The following MAP1A variants were observed in gnomAD, a reference collection of about 807,000 sequenced individuals.
The protein encoded by MAP1A is microtubule-associated protein 1A.
A neutral mutation model predicts 185.9 loss-of-function variants in MAP1A; 42 were observed. The ratio of observed to expected loss-of-function variants is 0.23; its 90% CI spans 0.18 to 0.29. The LOEUF is 0.29. Among genes scored for constraint, MAP1A ranks in the 10% least tolerant of loss-of-function variants. MAP1A has a pLI of 1.00. For missense variants in MAP1A, 2,995 were observed against 3,450.4 expected (o/e 0.87, Z 3.31); for synonymous variants, 1,229 against 1,335.9 (o/e 0.92, Z 1.74).
Position 43,528,448 on chromosome 15 carries a change from TG to T in MAP1A, c.6977del (p.Gly2326GlufsTer128). 6.2e-7 allele frequency: 1 copy of T among 1,613,506 alleles called. No individual in the cohort carries two copies. The highest frequency in any genetic ancestry group is 8.5e-7 in the Non-Finnish European group (1 of 1,180,028). On this transcript the variant is annotated frameshift_variant, in exon 4 of 6. Transcript: ENST00000300231. LOFTEE classifies it high-confidence loss of function. ...CCCTAGCTCCAGCTCCAAGCCTGCC[TG>T]GAGACATGGGTGATGGCATCCTGCC... ...LALAPAPSLP[G>X]DMGDGILPCH...
Position 43,522,239 on chromosome 15 carries a change from G to A in MAP1A, c.766G>A (p.Ala256Thr). ...CACTGCTCTGGTGGTCTGGCTACCA[G>A]CCAATCCCACTGAGAAGATTGTGCG... Reference protein sequence around the residue: ...SITALVVWLPANPTEKIVRVL... With the variant: ...SITALVVWLPTNPTEKIVRVL... The change falls in exon 4 of 6, where the codon GCC (alanine) becomes ACC (threonine). Residue 256 changes from alanine to threonine, a missense_variant. Around this residue, in one of 3 missense-constraint regions of MAP1A, gnomAD observed 264 missense variants for 435.3 expected, o/e 0.61. Transcript: ENST00000300231. The surrounding 1 kb of genome is among the most constrained non-coding windows in gnomAD (Gnocchi z 5.9). The A allele has an allele frequency of 1.2e-6, 2 of 1,614,228 alleles. No homozygotes were observed. The highest frequency in any genetic ancestry group is 2.2e-5 in the East Asian group (1 of 44,884).
Position 43,524,586 on chromosome 15 carries a change from G to A in MAP1A, c.3113G>A (p.Gly1038Asp), listed in dbSNP as rs767948299. The A allele has an allele frequency of 6.2e-7, 1 of 1,614,132 alleles. No homozygotes were observed. The highest frequency in any genetic ancestry group is 1.7e-5 in the Admixed American group (1 of 60,014). Residue 1038 changes from glycine (G) to aspartate (D), a missense_variant, in exon 4 of 6, where the codon GGT becomes GAT. Coordinates refer to ENST00000300231, the MANE Select transcript of MAP1A (RefSeq NM_002373.6). ...DSWGDTKRTP[G>D]VGKEDAAEET... ...TGGGGAGACACTAAGCGCACACCAG[G>A]TGTGGGCAAAGAAGATGCTGCTGAG...
Position 43,522,319 on chromosome 15 carries a change from G to A in MAP1A, c.846G>A (p.Lys282=). The A allele has an allele frequency of 1.9e-6, 3 of 1,614,200 alleles. No individual in the cohort carries two copies. Among genetic ancestry groups the A allele is most frequent in the Non-Finnish European group, 2.5e-6 (3 of 1,180,024 alleles). Residue 282 remains lysine, a synonymous_variant, in exon 4 of 6, where the codon AAG becomes AAA. Transcript: ENST00000300231. The surrounding 1 kb of genome is among the most constrained non-coding windows in gnomAD (Gnocchi z 5.9). The stretch of plus-strand genomic sequence containing the variant: ...ACAAGATCTTGGAGGGCCTAGAAAA[G>A]CTTCGGCATCTGGACTTCCTGCGTT... The part of the protein sequence containing the change: ...PQNKILEGLE[K]LRHLDFLRYP...
rs1249216407 is a variant in MAP1A, at chr15:43,529,145, C to T, written c.7672C>T (p.His2558Tyr). 1 of 1,613,208 alleles carries T rather than the reference C, an allele frequency of 6.2e-7. No homozygotes were observed. Among genetic ancestry groups the T allele is most frequent in the Non-Finnish European group, 8.5e-7 (1 of 1,179,898 alleles). Residue 2558 changes from histidine to tyrosine, a missense_variant, in exon 4 of 6, where the codon CAT (histidine) becomes TAT (tyrosine). Around this residue, in one of 3 missense-constraint regions of MAP1A, gnomAD observed 2,728 missense variants for 2,986.0 expected, o/e 0.91. Coordinates refer to ENST00000300231, the MANE Select transcript of MAP1A (RefSeq NM_002373.6). The surrounding 1 kb of genome is among the most constrained non-coding windows in gnomAD (Gnocchi z 4.3). ...VSGTHHPRPG[H>Y]DPPPLPQPDP... is the part of the protein sequence containing the mutation. ...TGGTACTCACCACCCCAGGCCTGGC[C>T]ATGACCCACCTCCTCTCCCACAGCC...
rs753964027 is a variant in MAP1A at position 43,522,874 on chromosome 15, T to G, written c.1401T>G (p.Phe467Leu). Residue 467 changes from phenylalanine (F) to leucine (L), a missense_variant, in exon 4 of 6, where the codon TTT (phenylalanine) becomes TTG (leucine). Physicochemically the swap from Phe to Leu is conservative, Grantham distance 22 (BLOSUM62 0). Transcript: ENST00000300231. This position sits in a 1 kb window ranked among gnomAD's most constrained non-coding sequence, Gnocchi z 5.9. ...TTTCCAAGCCAGACCTAAAGCCCTT[T>G]ACTCCTGAGGTACGTAAGACCCTCT... The part of the protein sequence containing the change: ...KKISKPDLKP[F>L]TPEVRKTLYK... The G allele has an allele frequency of 6.2e-7, 1 of 1,610,448 alleles. No individual in the cohort carries two copies.
In MAP1A at chr15:43,527,032, C is replaced by T; in HGVS notation, c.5559C>T (p.Pro1853=). The change falls in exon 4 of 6, where the codon CCC becomes CCT. Residue 1853 remains proline, a synonymous_variant. Transcript: ENST00000300231. ...GGGTGCCCAAGGACAGACCCCTCCC[C>T]CCTGCACCCCTCTCCCCAGCTCCTG... ...PPWVPKDRPL[P]PAPLSPAPGP... is the part of the protein sequence containing the mutation. 1 of 1,599,384 alleles carries T rather than the reference C, an allele frequency of 6.3e-7. No homozygotes were observed. Among genetic ancestry groups the T allele is most frequent in the South Asian group, 1.1e-5 (1 of 88,114 alleles).
In MAP1A at chr15:43,530,176, C is replaced by T. The variant is rs756912909; in HGVS notation, c.8364C>T (p.Thr2788=). ...LNVLVLASSS[T]VVMQDESFPA... is the part of the protein sequence containing the mutation. ...TCCTGGTCCTGGCTAGCAGCAGCAC[C>T]GTGGTGATGCAGGATGAGTCCTTCC... The change falls in exon 6 of 6, where the codon ACC becomes ACT. Residue 2788 remains threonine (T), a synonymous_variant. Coordinates refer to ENST00000300231, the MANE Select transcript of MAP1A (RefSeq NM_002373.6). 7.4e-6 allele frequency: 12 copies of T among 1,614,050 alleles called. No individual in the cohort carries two copies. Among genetic ancestry groups the T allele is most frequent in the African/African-American group, 2.7e-5 (2 of 74,932 alleles).
At position 43,523,812 on chromosome 15, in the gene MAP1A, G is replaced by T. The variant is rs779036656; in HGVS notation, c.2339G>T (p.Gly780Val). The change falls in exon 4 of 6, where the codon GGT becomes GTT. Residue 780 changes from glycine to valine, a missense_variant. Physicochemically the swap from Gly to Val is moderately radical, Grantham distance 109 (BLOSUM62 -3). Transcript: ENST00000300231. ...ACATATGACCTGCCCGGGCCTGAAG[G>T]TGCTGGCCCATTCGAAGCCAGCCAA... Reference protein sequence around the residue: ...TSTYDLPGPEGAGPFEASQPA... With the variant: ...TSTYDLPGPEVAGPFEASQPA... 48 of 1,613,884 alleles carry T rather than the reference G, an allele frequency of 3.0e-5. 1 individual carries two copies. In the South Asian group the frequency reaches 4.8e-4, roughly 16 times the overall value.
Position 43,527,565 on chromosome 15 carries a change from C to A in MAP1A, c.6092C>A (p.Pro2031Gln), listed in dbSNP as rs2079350827. ...ISPKSLQSDT[P>Q]TFSYAALAGP... ...CCCAAGAGCCTCCAGTCTGACACTC[C>A]AACCTTCAGCTATGCAGCCCTGGCA... is the stretch of plus-strand genomic sequence containing the variant. Residue 2031 changes from proline to glutamine, a missense_variant, in exon 4 of 6, where the codon CCA becomes CAA. Coordinates refer to ENST00000300231, the MANE Select transcript of MAP1A (RefSeq NM_002373.6). 5.6e-6 allele frequency: 9 copies of A among 1,614,142 alleles called. No individual in the cohort carries two copies. The highest frequency in any genetic ancestry group is 7.6e-6 in the Non-Finnish European group (9 of 1,180,024).
chr15:43,513,105 G>C (rs1275554664), upstream of MAP1A, among the ~76,000 whole-genome samples: 6 of 152,224 alleles, frequency 3.9e-5, no homozygotes, highest in African/African-American at 1.4e-4. Context: ...GAGGCGGGGA[G>C]ATCACCTGAG....
rs747476833 is a variant in MAP1A at position 43,524,276 on chromosome 15, G to A, written c.2803G>A (p.Glu935Lys). ...GEIIGKGLSG[E>K]RAVEEEEEET... Reference sequence around the variant, plus strand: ...GATCATAGGGAAAGGCTTGTCTGGAGAGAGAGCTGTGGAAGAGGAAGAGGA... The same window carrying A: ...GATCATAGGGAAAGGCTTGTCTGGAAAGAGAGCTGTGGAAGAGGAAGAGGA... Residue 935 changes from glutamate to lysine, a missense_variant, in exon 4 of 6, where the codon GAG (glutamate) becomes AAG (lysine). This residue lies in a region of MAP1A where 2,728 missense variants were observed against 2,986.0 expected (regional missense o/e 0.91). Transcript: ENST00000300231. 6.2e-7 allele frequency: 1 copy of A among 1,614,216 alleles called. No homozygotes were observed. The highest frequency in any genetic ancestry group is 8.5e-7 in the Non-Finnish European group (1 of 1,180,038).
rs760579428 is a variant in MAP1A at position 43,527,464 on chromosome 15, C to T, written c.5991C>T (p.Pro1997=). 28 of 1,613,980 alleles carry T rather than the reference C, an allele frequency of 1.7e-5. No individual in the cohort carries two copies. The African/African-American group carries it at 3.1e-4, about 18-fold the overall frequency. The change falls in exon 4 of 6, where the codon CCC becomes CCT. Residue 1997 remains proline, a synonymous_variant. Coordinates refer to ENST00000300231, the MANE Select transcript of MAP1A (RefSeq NM_002373.6). The part of the protein sequence containing the change: ...EPPLGAAGDW[P]PCLSTKEAAA... ...CACTTGGAGCAGCTGGGGATTGGCC[C>T]CCATGCCTCTCAACCAAGGAGGCAG...
At chr15:43,516,202 C>T (rs761931751), upstream of MAP1A, among the ~76,000 whole-genome samples, 15 of 152,160 alleles carry the variant, frequency 9.9e-5, no homozygotes, top group Non-Finnish European at 2.1e-4. Flanking sequence ...TGTATCTCTG[C>T]AGATGGCCGC....
chr15:43,511,202 G>T, exon 1 of MAP1A: 1 of 1,550,540 alleles, frequency 6.4e-7, no homozygotes, highest in Non-Finnish European at 8.7e-7. Context: ...TCAGCTGAGG[G>T]CCGTGCGGGC....
In MAP1A at chr15:43,523,277, G is replaced by A; in HGVS notation, c.1804G>A (p.Glu602Lys). Residue 602 changes from glutamate to lysine, a missense_variant, in exon 4 of 6, where the codon GAA becomes AAA. Physicochemically the swap from Glu to Lys is moderately conservative, Grantham distance 56. Coordinates refer to ENST00000300231, the MANE Select transcript of MAP1A (RefSeq NM_002373.6). ...EKELVPEVPE[E>K]QGSKDRGLDS... ...AGAGCTTGTCCCAGAGGTCCCTGAG[G>A]AACAAGGCAGCAAGGACAGAGGCCT... The A allele has an allele frequency of 1.9e-6, 3 of 1,613,548 alleles. No homozygotes were observed. Among genetic ancestry groups the A allele is most frequent in the Non-Finnish European group, 1.7e-6 (2 of 1,179,748 alleles).
At position 43,529,960 on chromosome 15, in the gene MAP1A, G is replaced by T. The variant is rs1352177426; in HGVS notation, c.8256+90G>T. On this transcript the variant is annotated intron_variant, in intron 5 of 5. Transcript: ENST00000300231. The surrounding 1 kb of genome is among the most constrained non-coding windows in gnomAD (Gnocchi z 4.3). ...ACAGTCCCTATTTATTAAAGGATGG[G>T]CCTTTTCTAAGGGCAGCAGAGCTGC... is the stretch of plus-strand genomic sequence containing the variant. The T allele has an allele frequency of 6.4e-7, 1 of 1,553,606 alleles. No individual in the cohort carries two copies. The highest frequency in any genetic ancestry group is 1.4e-5 in the African/African-American group (1 of 73,606).
chr15:43,512,043 T>C (rs2079281896), intron 1 of MAP1A: 2 of 632,546 alleles, frequency 3.2e-6, no homozygotes, highest in Non-Finnish European at 5.8e-6. Context: ...GCCACCTTTC[T>C]TTGAGACATC....
rs776540607 is a variant in MAP1A at position 43,524,194 on chromosome 15, C to T, written c.2721C>T (p.Phe907=). 1 of 1,614,180 alleles carries T rather than the reference C, an allele frequency of 6.2e-7. No homozygotes were observed. Among genetic ancestry groups the T allele is most frequent in the South Asian group, 1.1e-5 (1 of 91,090 alleles). ...CCTCACTGGAAGAAGACAAGGGCTT[C>T]AAATCACCACCCTGTGAGGACTTCT... ...PTSSLEEDKG[F]KSPPCEDFSV... The change falls in exon 4 of 6, where the codon TTC becomes TTT. Residue 907 remains phenylalanine (F), a synonymous_variant. Coordinates refer to ENST00000300231, the MANE Select transcript of MAP1A (RefSeq NM_002373.6).
chr15:43,520,575 C>A, intron 1 of MAP1A, 66 bp from the exon 2 acceptor site: 1 of 1,073,188 alleles, frequency 9.3e-7, no homozygotes, highest in Middle Eastern at 2.0e-4. Flanking sequence ...ATAGCACATT[C>A]TTTCCTCTCC....
Sources: allele counts gnomAD v4.1 joint callset (sites outside exome capture counted in the v4.1 genomes callset), GRCh38; gene constraint gnomAD v4.1.1; regional missense constraint gnomAD v4.1.1; non-coding constraint Gnocchi (gnomAD v3.1); transcripts MANE v1.5; gene names NCBI Gene and HGNC (gene_info 2026-07-23, HGNC 2026-07-21).